Variants in HDAC9 observed in about 807,000 individuals in gnomAD.
HDAC9 encodes the protein histone deacetylase 9, also known as MEF-2 interacting transcription repressor (MITR) protein.
In HDAC9, 41 loss-of-function variants were observed where a neutral mutation model predicts 139.4. That is an observed-to-expected ratio of 0.29 (90% CI 0.23 to 0.38). The LOEUF is 0.38. Among genes scored for constraint, HDAC9 ranks in the 10% least tolerant of loss-of-function variants. HDAC9 has a pLI of 1.00. For synonymous variants in HDAC9, 517 were observed against 476.2 expected (o/e 1.09, Z -1.12); for missense variants, 1,147 against 1,297.0 (o/e 0.88, Z 1.78).
intron 2 of HDAC9, among the ~76,000 whole-genome samples, chr7:18,173,941 G>T (rs375050915): frequency 2.0e-5 from 3 of 152,194 alleles, no homozygotes; most frequent in East Asian, 3.9e-4. Context: ...CTCTTCTCGA[G>T]GAGGAGTATC....
upstream of HDAC9, among the ~76,000 whole-genome samples, chr7:18,288,644 G>A (rs776116576): frequency 6.6e-6 from 1 of 152,106 alleles, no homozygotes; most frequent in Non-Finnish European, 1.5e-5. Context: ...TAAACTATGA[G>A]CTTTGTGTTA....
At chr7:18,750,368 C>T (rs1178165) in intron 14 of HDAC9, among the ~76,000 whole-genome samples, 44,748 of 151,944 alleles carry the variant, frequency 0.29, 7,592 homozygotes, top group East Asian at 0.66. Context: ...TTATGGATCG[C>T]TCAGTAGTTG....
intron 13 of HDAC9, among the ~76,000 whole-genome samples, chr7:18,748,034 T>C (rs922527315): frequency 2.0e-5 from 3 of 152,232 alleles, no homozygotes; most frequent in African/African-American, 7.2e-5. Flanking sequence ...ACTTCGATGG[T>C]CATTTATTGG....
At chr7:18,149,480 T>C (rs1050410637) in intron 1 of HDAC9, among the ~76,000 whole-genome samples, 4 of 150,452 alleles carry the variant, frequency 2.7e-5, no homozygotes, top group Non-Finnish European at 5.9e-5. Context: ...CTCTGCCTCC[T>C]GAGTAACTGG....
chr7:18,528,253 ATTT>A (rs10716963), intron 2 of HDAC9, among the ~76,000 whole-genome samples: 2 of 147,068 alleles, frequency 1.4e-5, no homozygotes, highest in African/African-American at 4.9e-5. Flanking sequence ...TCCATGAAGT[ATTT>A]TTTTTTTTTT....
intron 11 of HDAC9, 35 bp downstream of exon 11, chr7:18,648,718 G>T (rs1298416872): frequency 9.0e-6 from 14 of 1,563,018 alleles, no homozygotes; most frequent in African/African-American, 1.4e-5. Flanking sequence ...TGTTCTAACC[G>T]CCAGTTTGGA....
intron 17 of HDAC9, among the ~76,000 whole-genome samples, chr7:18,818,813 T>C (rs1236999459): frequency 6.6e-6 from 1 of 152,186 alleles, no homozygotes; most frequent in Non-Finnish European, 1.5e-5. Context: ...GTTCTTACCA[T>C]CCAAATACTA....
At chr7:18,696,168 A>G (rs1783028745) in intron 12 of HDAC9, among the ~76,000 whole-genome samples, 1 of 151,954 alleles carries the variant, frequency 6.6e-6, no homozygotes, top group Non-Finnish European at 1.5e-5. Context: ...ATACATTTAT[A>G]TAGTATTCCA....
intron 6 of HDAC9, among the ~76,000 whole-genome samples, chr7:18,626,928 G>C (rs946826511): frequency 6.6e-5 from 10 of 152,076 alleles, no homozygotes; most frequent in Non-Finnish European, 1.3e-4. Context: ...AGAGGGAGGA[G>C]GACAAGACTG....
At position 18,666,202 on chromosome 7, in the gene HDAC9, C is replaced by A; in HGVS notation, c.1468-11C>A. 6.3e-7 allele frequency: 1 copy of A among 1,598,558 alleles called. No individual in the cohort carries two copies. Among genetic ancestry groups the A allele is most frequent in the Non-Finnish European group, 8.5e-7 (1 of 1,170,192 alleles). ...CTACTGAATTTTGAACCCCTGAACA[C>A]TCTCTTCTAGCTGCTTTCGAAATCT... On this transcript the variant is annotated splice_polypyrimidine_tract_variant and intron_variant, in intron 11 of 25. Coordinates refer to ENST00000686413, the MANE Select transcript of HDAC9 (RefSeq NM_178425.4).
chr7:18,707,676 C>T (rs1398463708), intron 12 of HDAC9, among the ~76,000 whole-genome samples: 1 of 152,104 alleles, frequency 6.6e-6, no homozygotes, highest in Non-Finnish European at 1.5e-5. Context: ...TTTATTCATG[C>T]ATGGTGGATA....
intron 2 of HDAC9, chr7:18,502,670 G>GT (rs1354630024): frequency 6.6e-6 from 1 of 151,958 alleles, no homozygotes; most frequent in Admixed American, 6.6e-5. Context: ...TTGAATATAA[G>GT]TTTTTTATTA....
At chr7:18,241,858 T>C (rs1193278996) in intron 2 of HDAC9, among the ~76,000 whole-genome samples, 1 of 152,234 alleles carries the variant, frequency 6.6e-6, no homozygotes, top group African/African-American at 2.4e-5. Context: ...CTTTTAAATA[T>C]ATGCCACAAG....
At position 18,585,272 on chromosome 7, in the gene HDAC9, G is replaced by GTTTT; in HGVS notation, c.23-7_23-6insTTTT. ...CCCACCCCATTTCCCTTTTTTTCTG[G>GTTTT]TTCTTTAGTGGATGTGAAGTCAGAA... On this transcript the variant is annotated splice_polypyrimidine_tract_variant and intron_variant, in intron 2 of 25. Coordinates refer to ENST00000686413, the MANE Select transcript of HDAC9 (RefSeq NM_178425.4). The GTTTT allele has an allele frequency of 2.5e-6, 4 of 1,604,502 alleles. No homozygotes were observed. The highest frequency in any genetic ancestry group is 2.6e-6 in the Non-Finnish European group (3 of 1,175,958).
At chr7:18,785,804 C>T (rs917724157) in intron 16 of HDAC9, among the ~76,000 whole-genome samples, 3 of 151,864 alleles carry the variant, frequency 2.0e-5, no homozygotes, top group Non-Finnish European at 2.9e-5. Flanking sequence ...CTTTTTCTAC[C>T]TTCTCTAATT....
chr7:18,789,064 T>G (rs1416789980), intron 16 of HDAC9, among the ~76,000 whole-genome samples: 1 of 152,152 alleles, frequency 6.6e-6, no homozygotes, highest in South Asian at 2.1e-4. Context: ...TTCGATGCTA[T>G]CACTAACACA....
chr7:18,134,918 C>T (rs1189559648), intron 1 of HDAC9, among the ~76,000 whole-genome samples: 1 of 152,132 alleles, frequency 6.6e-6, no homozygotes, highest in Non-Finnish European at 1.5e-5. Context: ...AGCATTGAAT[C>T]AAACTATGAT....
At chr7:18,118,417 A>G (rs1300311584) in intron 1 of HDAC9, among the ~76,000 whole-genome samples, 13 of 152,292 alleles carry the variant, frequency 8.5e-5, no homozygotes, top group African/African-American at 2.9e-4. Flanking sequence ...GCCATGTCAC[A>G]GTTTCTTCAT....
chr7:18,484,818 A>G (rs934497034), intron 1 of HDAC9, among the ~76,000 whole-genome samples: 1 of 151,764 alleles, frequency 6.6e-6, no homozygotes, highest in Non-Finnish European at 1.5e-5. Flanking sequence ...ATGCTATTGC[A>G]TGGCAGTCTG....
Sources: gnomAD v4.1 joint callset for allele counts (sites outside exome capture counted in the v4.1 genomes callset) on GRCh38, gnomAD v4.1.1 for gene constraint, MANE v1.5 for transcripts, NCBI Gene and HGNC (gene_info 2026-07-23, HGNC 2026-07-21) for gene names.